Variants in SMAD4 observed in about 807,000 individuals in gnomAD.
SMAD4 encodes SMAD family member 4.
In SMAD4, 7 loss-of-function variants were observed where a neutral mutation model predicts 63.2. The observed-to-expected ratio is 0.11, with a 90% CI of 0.06 to 0.21. The LOEUF (loss-of-function observed/expected upper bound fraction) is 0.21, where lower values mean the gene tolerates loss of function less well. Among genes scored for constraint, SMAD4 ranks in the 10% least tolerant of loss-of-function variants. The probability of loss-of-function intolerance (pLI) is 1.00; values close to 1 mark genes in which losing one functional copy is unlikely to be tolerated. For synonymous variants in SMAD4, 215 were observed against 235.4 expected (o/e 0.91, Z 0.79); for missense variants, 312 against 693.8 (o/e 0.45, Z 6.18).
Position 51,083,368 on chromosome 18 carries a change from C to T in SMAD4, c.*4901C>T. 4.4e-6 allele frequency: 1 copy of T among 229,062 alleles called. No individual in the cohort carries two copies. The highest frequency in any genetic ancestry group is 8.7e-6 in the Non-Finnish European group (1 of 115,558). The allele number at this position is 229,062 out of a possible 1,614,324, so 14.2% of individuals were successfully genotyped here. On this transcript the variant is annotated 3_prime_UTR_variant, in exon 12 of 12. Transcript: ENST00000342988. ...GAGAATTGAGGGTCTGACATCCTGC[C>T]CCAAGGAGTAGCTAAAGTAATTGCT...
chr18:51,070,168 T>TGTGCC (rs1475613542), intron 10 of SMAD4, among the ~76,000 whole-genome samples: 1 of 152,248 alleles, frequency 6.6e-6, no homozygotes, highest in East Asian at 1.9e-4. Flanking sequence ...ATATATACTG[T>TGTGCC]GTGCCAGATA....
At chr18:51,031,766 T>C (rs748493175) in intron 1 of SMAD4, among the ~76,000 whole-genome samples, 5 of 152,068 alleles carry the variant, frequency 3.3e-5, no homozygotes, top group Non-Finnish European at 5.9e-5. Flanking sequence ...AATTTCGTAA[T>C]TAGATTTAGA....
chr18:51,058,372 G>A lies in SMAD4; in HGVS notation c.820G>A (p.Ala274Thr), dbSNP rs751860447. The change falls in exon 7 of 12, where the codon GCA becomes ACA. Residue 274 changes from alanine (A) to threonine (T), a missense_variant. Physicochemically the swap from Ala to Thr is moderately conservative, Grantham distance 58. Transcript: ENST00000342988. ...TACCACCTGGACTGGAAGTAGGACT[G>A]CACCATACACACCTAATTTGCCTCA... is the stretch of plus-strand genomic sequence containing the variant. ...STTTWTGSRT[A>T]PYTPNLPHHQ... 8 of 1,614,030 alleles carry A rather than the reference G, an allele frequency of 5.0e-6. No homozygotes were observed. The South Asian group carries it at 8.8e-5, about 18-fold the overall frequency.
At chr18:51,051,405 T>G (rs1909707832) in intron 4 of SMAD4, 1 of 456,078 alleles carries the variant, frequency 2.2e-6, no homozygotes, top group Non-Finnish European at 4.4e-6. Flanking sequence ...AAAGGAATGA[T>G]ACAAGAGCAG....
intron 8 of SMAD4, among the ~76,000 whole-genome samples, chr18:51,064,305 G>T (rs1044860437): frequency 2.0e-5 from 3 of 152,216 alleles, no homozygotes; most frequent in Non-Finnish European, 4.4e-5. Flanking sequence ...CATCTTTTCA[G>T]ATGGGATGTC....
intron 10 of SMAD4, among the ~76,000 whole-genome samples, chr18:51,071,281 T>C (rs915413712): frequency 1.2e-4 from 18 of 149,670 alleles, no homozygotes; most frequent in South Asian, 4.2e-4. Flanking sequence ...CACACACACA[T>C]ACACACACAC....
At chr18:51,047,418 C>A in intron 2 of SMAD4, 123 bp downstream of exon 2, 2 of 858,220 alleles carry the variant, frequency 2.3e-6, no homozygotes, top group Non-Finnish European at 3.9e-6. Context: ...TACTGTGCAT[C>A]CTGTACAAAT....
intron 10 of SMAD4, among the ~76,000 whole-genome samples, chr18:51,073,388 T>TATATACATACACAC (rs1417299090): frequency 3.1e-5 from 2 of 64,158 alleles, no homozygotes; most frequent in African/African-American, 1.5e-4. Flanking sequence ...TATATATATA[T>TATATACATACACAC]ACACACACAC....
At chr18:51,046,787 C>T (rs1289597693) in intron 1 of SMAD4, 133 bp from the exon 2 acceptor site, 13 of 434,146 alleles carry the variant, frequency 3.0e-5, no homozygotes, top group Non-Finnish European at 4.9e-5. Flanking sequence ...TAATTTTCAA[C>T]TCTGAGCATC....
At position 51,065,620 on chromosome 18, in the gene SMAD4, A is replaced by C; in HGVS notation, c.1139+14A>C. The C allele has an allele frequency of 6.2e-7, 1 of 1,610,588 alleles. No individual in the cohort carries two copies. The highest frequency in any genetic ancestry group is 1.1e-5 in the South Asian group (1 of 90,968). Reference sequence around the variant, plus strand: ...TGAGAGAGCAAGGTATTGATTGTATAGTCAGATAGTTACTTTAAAAAATTG... The same window carrying C: ...TGAGAGAGCAAGGTATTGATTGTATCGTCAGATAGTTACTTTAAAAAATTG... On this transcript the variant is annotated intron_variant, in intron 9 of 11. Coordinates refer to ENST00000342988, the MANE Select transcript of SMAD4 (RefSeq NM_005359.6).
chr18:51,071,260 GCACATACACACACACA>G (rs1257014904), intron 10 of SMAD4, among the ~76,000 whole-genome samples: 6 of 151,556 alleles, frequency 4.0e-5, no homozygotes, highest in Middle Eastern at 3.2e-3. Context: ...ATGTGTGCAT[GCACATACACACACACA>G]CACATACACA....
chr18:51,031,238 C>T (rs1909041251), intron 1 of SMAD4, among the ~76,000 whole-genome samples: 3 of 152,180 alleles, frequency 2.0e-5, no homozygotes, highest in Admixed American at 1.3e-4. Context: ...ACTGTTAGCA[C>T]TGCATGTACT....
At chr18:51,054,498 T>C in intron 4 of SMAD4, 1 of 406,368 alleles carries the variant, frequency 2.5e-6, no homozygotes, top group Non-Finnish European at 4.5e-6. Flanking sequence ...AACTGAGGAG[T>C]ACCTTTTTAG....
Position 51,066,991 on chromosome 18 carries a change from A to G in SMAD4, c.1140-28A>G, listed in dbSNP as rs761651997. The G allele has an allele frequency of 5.1e-6, 8 of 1,555,028 alleles. No individual in the cohort carries two copies. The African/African-American group carries it at 1.1e-4, about 21-fold the overall frequency. On this transcript the variant is annotated intron_variant, in intron 9 of 11. Transcript: ENST00000342988. Reference sequence around the variant, plus strand: ...TTTAATTTAAAATACTTATCAAGATAAAATGTAATTTCTTTTTTCTTCCTA... The same window carrying G: ...TTTAATTTAAAATACTTATCAAGATGAAATGTAATTTCTTTTTTCTTCCTA...
At chr18:51,075,250 A>G (rs896434661) in intron 10 of SMAD4, among the ~76,000 whole-genome samples, 1 of 152,204 alleles carries the variant, frequency 6.6e-6, no homozygotes, top group Admixed American at 6.5e-5. Context: ...TCATGTAAAT[A>G]CCATGGTTGA....
Position 51,084,006 on chromosome 18 carries a change from GCGCGCGCACACACACACACACACA to G in SMAD4, c.*5541_*5564del. Reference sequence around the variant, plus strand: ...AAACACTTAACGCGCGTGCGCACGCGCGCGCGCACACACACACACACACACACACACACACACAGGTCAGAGTTT... The same window carrying G: ...AAACACTTAACGCGCGTGCGCACGCGCACACACACACACAGGTCAGAGTTT... On this transcript the variant is annotated 3_prime_UTR_variant, in exon 12 of 12. Transcript: ENST00000342988. 5.0e-6 allele frequency: 1 copy of G among 201,380 alleles called. No individual in the cohort carries two copies. Among genetic ancestry groups the G allele is most frequent in the East Asian group, 6.5e-5 (1 of 15,362 alleles). The allele number at this position is 201,380 out of a possible 1,614,324, so 12.5% of individuals were successfully genotyped here. A position where few individuals can be genotyped will look rare whatever the true frequency, so the allele number is the denominator to read the frequency against.
chr18:51,081,382 G>A lies in SMAD4; in HGVS notation c.*2915G>A, dbSNP rs537785003. 7.0e-5 allele frequency: 16 copies of A among 229,504 alleles called. No individual in the cohort carries two copies. Among genetic ancestry groups the A allele is most frequent in the African/African-American group, 2.9e-4 (13 of 45,182 alleles). The allele number at this position is 229,504 out of a possible 1,614,324, so 14.2% of individuals were successfully genotyped here. On this transcript the variant is annotated 3_prime_UTR_variant, in exon 12 of 12. Coordinates refer to ENST00000342988, the MANE Select transcript of SMAD4 (RefSeq NM_005359.6). ...CTTCATGGTGTTGCCTTTATTTTCC[G>A]GGGAGTAGATCGTGGGATATAGTCT...
At chr18:51,037,406 G>A (rs1001842936) in intron 1 of SMAD4, among the ~76,000 whole-genome samples, 8 of 152,154 alleles carry the variant, frequency 5.3e-5, no homozygotes, top group African/African-American at 1.9e-4. Context: ...TTGTATGGGT[G>A]GTGAAGGAGC....
chr18:51,049,025 A>G lies in SMAD4; in HGVS notation c.424+165A>G, dbSNP rs182981059. Reference sequence around the variant, plus strand: ...ATACGTATTTAAATTTGAATTTAGGAACAAACTTATATTTTGACTGCTAAA... The same window carrying G: ...ATACGTATTTAAATTTGAATTTAGGGACAAACTTATATTTTGACTGCTAAA... On this transcript the variant is annotated intron_variant, in intron 3 of 11. Coordinates refer to ENST00000342988, the MANE Select transcript of SMAD4 (RefSeq NM_005359.6). Among the ~76,000 whole-genome samples the G allele has an allele frequency of 1.3e-5, 2 of 152,338 alleles. No individual in the cohort carries two copies. The highest frequency in any genetic ancestry group is 3.9e-4 in the East Asian group (2 of 5,190).
Sources: allele counts gnomAD v4.1 joint callset (sites outside exome capture counted in the v4.1 genomes callset), GRCh38; gene constraint gnomAD v4.1.1; transcripts MANE v1.5; gene names NCBI Gene and HGNC (gene_info 2026-07-23, HGNC 2026-07-21).